NLRP1: variants seen among roughly 807,000 people sequenced by gnomAD.
NLRP1 encodes NACHT, LRR and PYD domains-containing protein 1.
Under a neutral mutation model 136.7 loss-of-function variants are expected in NLRP1, and 94 were observed. The ratio of observed to expected loss-of-function variants is 0.69; its 90% CI spans 0.58 to 0.82. The LOEUF is 0.82. Among genes scored for constraint, NLRP1 ranks in the 40% least tolerant of loss-of-function variants. NLRP1 has a pLI of 0.00. For synonymous variants in NLRP1, 690 were observed against 725.1 expected (o/e 0.95, Z 0.78); for missense variants, 1,575 against 1,802.7 (o/e 0.87, Z 2.29).
chr17:5,532,277 C>T (rs76973250), intron 11 of NLRP1, among the ~76,000 whole-genome samples: 3 of 152,206 alleles, frequency 2.0e-5, no homozygotes, highest in East Asian at 1.9e-4. Context: ...CCAACCAAAC[C>T]ACAACACCAA....
At position 5,533,551 on chromosome 17, in the gene NLRP1, G is replaced by GTTTTTTTTTTTTTTTTTTT. The variant is rs35006823; in HGVS notation, c.3053-186_3053-168dup. 1.3e-4 allele frequency among the ~76,000 whole-genome samples: 12 copies of GTTTTTTTTTTTTTTTTTTT among 90,030 alleles called. 1 individual carries two copies. Among genetic ancestry groups the GTTTTTTTTTTTTTTTTTTT allele is most frequent in the South Asian group, 8.1e-4 (2 of 2,484 alleles). The allele number at this position is 90,030 out of a possible 152,430, so 59.1% of individuals were successfully genotyped here. A position where few individuals can be genotyped will look rare whatever the true frequency, so the allele number is the denominator to read the frequency against. On this transcript the variant is annotated intron_variant, in intron 9 of 16. Coordinates refer to ENST00000572272, the MANE Select transcript of NLRP1 (RefSeq NM_033004.4). The stretch of plus-strand genomic sequence containing the variant: ...AGCCTGAACACTAGAGTGAGACTCT[G>GTTTTTTTTTTTTTTTTTTT]TTTTTTTTTTTTTTTTTTTTTTTTT...
At position 5,582,775 on chromosome 17, in the gene NLRP1, C is replaced by T. The variant is rs200012608; in HGVS notation, c.343G>A (p.Ala115Thr). The part of the protein sequence containing the change: ...LGSPSQPTST[A>T]VLMPWIHELP... ...TCATGGATCCAGGGCATTAGCACTGCGGTGGAGGTGGGTTGGCTGGGAGAC... is the reference window on the plus strand; with the variant it reads ...TCATGGATCCAGGGCATTAGCACTGTGGTGGAGGTGGGTTGGCTGGGAGAC... Residue 115 changes from alanine (A) to threonine (T), a missense_variant, in exon 2 of 17, where the codon GCA becomes ACA. Ala to Thr is a moderately conservative substitution (Grantham distance 58, BLOSUM62 0). Coordinates refer to ENST00000572272, the MANE Select transcript of NLRP1 (RefSeq NM_033004.4). 1.5e-5 allele frequency: 25 copies of T among 1,613,896 alleles called. No individual in the cohort carries two copies. Among genetic ancestry groups the T allele is most frequent in the African/African-American group, 4.0e-5 (3 of 74,922 alleles).
chr17:5,562,041 CT>C (rs1914815434), intron 3 of NLRP1, among the ~76,000 whole-genome samples: 2 of 152,118 alleles, frequency 1.3e-5, no homozygotes, highest in African/African-American at 4.8e-5. Context: ...CTGAATCCGG[CT>C]GAGGGGTGCA....
chr17:5,568,548 C>A (rs925889997), intron 3 of NLRP1, among the ~76,000 whole-genome samples: 3 of 152,122 alleles, frequency 2.0e-5, no homozygotes, highest in Non-Finnish European at 2.9e-5. Context: ...TCTCTTTCTC[C>A]AGAATTGGTC....
At chr17:5,544,795 A>C (rs78296928) in intron 5 of NLRP1, among the ~76,000 whole-genome samples, 1 of 152,120 alleles carries the variant, frequency 6.6e-6, no homozygotes, top group South Asian at 2.1e-4. Flanking sequence ...GAGGAGGAAC[A>C]GTTTGTTTTT....
At chr17:5,581,760 C>T in intron 3 of NLRP1, 99 bp downstream of exon 3, 1 of 980,206 alleles carries the variant, frequency 1.0e-6, no homozygotes, top group South Asian at 1.3e-5. Context: ...TTTTCCAGAA[C>T]CTCTGCTTAG....
At chr17:5,539,371 C>T (rs192390062) in intron 7 of NLRP1, 44 bp downstream of exon 7, 171 of 1,561,046 alleles carry the variant, frequency 1.1e-4, no homozygotes, top group Middle Eastern at 5.4e-4. Context: ...CGATACCCCC[C>T]CAACCCTCTT....
chr17:5,565,323 G>T (rs1427466188), intron 3 of NLRP1, among the ~76,000 whole-genome samples: 1 of 152,028 alleles, frequency 6.6e-6, no homozygotes, highest in Non-Finnish European at 1.5e-5. Context: ...ACTATTTTTT[G>T]ATCGAATTTT....
chr17:5,536,701 A>G, intron 8 of NLRP1, 150 bp downstream of exon 8: 1 of 579,044 alleles, frequency 1.7e-6, no homozygotes, highest in Middle Eastern at 3.7e-4. Context: ...ATTTGATTCT[A>G]CTTGCACTGA....
chr17:5,533,424 A>G (rs1365952526), intron 9 of NLRP1, 40 bp from the exon 10 acceptor site: 1 of 765,652 alleles, frequency 1.3e-6, no homozygotes, highest in Non-Finnish European at 2.3e-6. Context: ...CATGGTGGTG[A>G]GCATCTGCAG....
chr17:5,512,228 C>A, downstream of NLRP1: 5 of 1,488,472 alleles, frequency 3.4e-6, no homozygotes, highest in Non-Finnish European at 4.7e-6. Context: ...CAACCACTAC[C>A]ATCAGCATAG....
chr17:5,559,832 G>C lies in NLRP1; in HGVS notation c.864C>G (p.His288Gln), dbSNP rs532511732. 2.5e-5 allele frequency: 41 copies of C among 1,614,128 alleles called. No homozygotes were observed. Among genetic ancestry groups the C allele is most frequent in the Admixed American group, 3.3e-5 (2 of 60,008 alleles). ...FTQLLLLQRPHPRSQDPLVKR... is the reference protein window; with the variant it reads ...FTQLLLLQRPQPRSQDPLVKR... ...TGACCAGGGGATCTTGGCTTCTGGG[G>C]TGAGGTCTTTGTAGAAGTAGCAGCT... Residue 288 changes from histidine (H) to glutamine (Q), a missense_variant, in exon 4 of 17, where the codon CAC becomes CAG. Transcript: ENST00000572272.
At position 5,504,392 on chromosome 17, in the gene NLRP1, G is replaced by A. The variant is rs548695761; in HGVS notation, c.4070-2520C>T. 63 of 152,298 alleles carry A rather than the reference G, an allele frequency of 4.1e-4. No individual in the cohort carries two copies. The highest frequency in any genetic ancestry group is 1.5e-3 in the African/African-American group (62 of 41,492). The allele number at this position is 152,298 out of a possible 1,614,324, so 9.4% of individuals were successfully genotyped here. A position where few individuals can be genotyped will look rare whatever the true frequency, so the allele number is the denominator to read the frequency against. ...CCCAGCACTTTGGGAGGCTGAGGTA[G>A]GTGGATCACCTGAGGTCAGGAGTTC... On this transcript the variant is annotated intron_variant, in intron 15 of 15. Transcript: ENST00000262467. This position sits in a 1 kb window ranked among gnomAD's most constrained non-coding sequence, Gnocchi z 4.4.
intron 5 of NLRP1, among the ~76,000 whole-genome samples, chr17:5,544,063 A>T (rs1338170076): frequency 6.6e-6 from 1 of 152,140 alleles, no homozygotes; most frequent in Non-Finnish European, 1.5e-5. Context: ...GTGAAGTCTG[A>T]TGGGACCATG....
At position 5,558,653 on chromosome 17, in the gene NLRP1, C is replaced by G. The variant is rs146030920; in HGVS notation, c.2043G>C (p.Glu681Asp). Reference sequence around the variant, plus strand: ...AGATGTTCTCCATCTCTCTCTCCCCCTCATCACTTAACAGGCCCAATAGGA... The same window carrying G: ...AGATGTTCTCCATCTCTCTCTCCCCGTCATCACTTAACAGGCCCAATAGGA... ...TRFLLGLLSD[E>D]GEREMENIFH... Residue 681 changes from glutamate (E) to aspartate (D), a missense_variant, in exon 4 of 17, where the codon GAG becomes GAC. Glu to Asp is a conservative substitution (Grantham distance 45, BLOSUM62 2). Coordinates refer to ENST00000572272, the MANE Select transcript of NLRP1 (RefSeq NM_033004.4). 6.8e-6 allele frequency: 11 copies of G among 1,614,022 alleles called. No homozygotes were observed. In the African/African-American group the frequency reaches 1.1e-4, roughly 16 times the overall value.
At position 5,541,903 on chromosome 17, in the gene NLRP1, G is replaced by A. The variant is rs754104720; in HGVS notation, c.2653C>T (p.Leu885Phe). The A allele has an allele frequency of 2.6e-5, 42 of 1,614,066 alleles. No individual in the cohort carries two copies. The South Asian group carries it at 4.5e-4, about 17-fold the overall frequency. Reference sequence around the variant, plus strand: ...CTCGGCTGTCTCAGTCTCTGGCAAAGGTGTTTGGCTCCAGCATCCGTGAGC... The same window carrying A: ...CTCGGCTGTCTCAGTCTCTGGCAAAAGTGTTTGGCTCCAGCATCCGTGAGC... Reference protein sequence around the residue: ...NVLTDAGAKHLCQRLRQPSCK... With the variant: ...NVLTDAGAKHFCQRLRQPSCK... The change falls in exon 6 of 17, where the codon CTT becomes TTT. Residue 885 changes from leucine (L) to phenylalanine (F), a missense_variant. Coordinates refer to ENST00000572272, the MANE Select transcript of NLRP1 (RefSeq NM_033004.4). The surrounding 1 kb of genome is among the most constrained non-coding windows in gnomAD (Gnocchi z 4.2).
At chr17:5,562,936 A>G (rs905442060) in intron 3 of NLRP1, among the ~76,000 whole-genome samples, 1 of 152,194 alleles carries the variant, frequency 6.6e-6, no homozygotes, top group Admixed American at 6.5e-5. Flanking sequence ...CCAGGAGGCC[A>G]GAGGAAAAGG....
intron 3 of NLRP1, 152 bp downstream of exon 3, chr17:5,581,707 G>C: frequency 1.4e-6 from 1 of 739,404 alleles, no homozygotes; most frequent in Non-Finnish European, 2.4e-6. Flanking sequence ...TGGACCAGTG[G>C]AGAGGCTCCA....
chr17:5,529,857 G>A (rs551230286), intron 12 of NLRP1: 20 of 384,436 alleles, frequency 5.2e-5, no homozygotes, highest in East Asian at 3.0e-4. Flanking sequence ...GGTATCTGTC[G>A]TTTCTGCTGG....
Sources: allele counts gnomAD v4.1 joint callset (sites outside exome capture counted in the v4.1 genomes callset), GRCh38; gene constraint gnomAD v4.1.1; non-coding constraint Gnocchi (gnomAD v3.1); transcripts MANE v1.5; gene names NCBI Gene and HGNC (gene_info 2026-07-23, HGNC 2026-07-21).